The following GMDS variants were observed in gnomAD, a reference collection of about 807,000 sequenced individuals.
The protein encoded by GMDS is GDP-mannose 4,6 dehydratase.
Under a neutral mutation model 49.9 loss-of-function variants are expected in GMDS, and 20 were observed. That is an observed-to-expected ratio of 0.40 (90% CI 0.28 to 0.58). The LOEUF is 0.58. Ranked by LOEUF, GMDS falls within the 20% of genes least tolerant of loss-of-function variation. The pLI is 0.42. For synonymous variants in GMDS, 177 were observed against 178.6 expected (o/e 0.99, Z 0.07); for missense variants, 362 against 481.4 (o/e 0.75, Z 2.32).
rs958784118 is a variant in GMDS at position 2,191,986 on chromosome 6, C to G, written c.102+53335G>C. On this transcript the variant is annotated intron_variant, in intron 1 of 10. Coordinates refer to ENST00000380815, the MANE Select transcript of GMDS (RefSeq NM_001500.4). The surrounding 1 kb of genome is among the most constrained non-coding windows in gnomAD (Gnocchi z 4.6). ...CCAACTGGCACACACTTCCTCCACTCTGAGGCCCATAAAAGCCCCGGGCTC... is the reference window on the plus strand; with the variant it reads ...CCAACTGGCACACACTTCCTCCACTGTGAGGCCCATAAAAGCCCCGGGCTC... Among the ~76,000 whole-genome samples, 2 of 152,180 alleles carry G rather than the reference C, an allele frequency of 1.3e-5. No individual in the cohort carries two copies. Among genetic ancestry groups the G allele is most frequent in the African/African-American group, 4.8e-5 (2 of 41,444 alleles).
chr6:1,722,108 C>T (rs1018830305), intron 9 of GMDS, among the ~76,000 whole-genome samples: 1 of 146,964 alleles, frequency 6.8e-6, no homozygotes, highest in African/African-American at 2.5e-5. Flanking sequence ...GCTTTGACGC[C>T]CAGGCTGGAG....
chr6:1,653,670 C>T lies in GMDS; in HGVS notation c.988-29130G>A, dbSNP rs148310647. Among the ~76,000 whole-genome samples the T allele has an allele frequency of 8.5e-5, 13 of 152,288 alleles. No homozygotes were observed. In the East Asian group the frequency reaches 2.5e-3, roughly 29 times the overall value. On this transcript the variant is annotated intron_variant, in intron 9 of 10. Coordinates refer to ENST00000380815, the MANE Select transcript of GMDS (RefSeq NM_001500.4). ...CTAATATACCCGGCCAATTGATTTTCAACAAGGGTACCAAGACCACACTAC... is the reference window on the plus strand; with the variant it reads ...CTAATATACCCGGCCAATTGATTTTTAACAAGGGTACCAAGACCACACTAC...
intron 4 of GMDS, among the ~76,000 whole-genome samples, chr6:2,026,749 T>C (rs1218580520): frequency 6.6e-6 from 1 of 152,210 alleles, no homozygotes; most frequent in Non-Finnish European, 1.5e-5. Flanking sequence ...ACCCAGTGTC[T>C]GTGGATGAGG....
chr6:1,960,685 G>C, intron 5 of GMDS, 89 bp downstream of exon 5: 1 of 815,936 alleles, frequency 1.2e-6, no homozygotes, highest in South Asian at 2.5e-5. Flanking sequence ...TCAGCTGTGA[G>C]ACATGAACAG....
At chr6:1,837,098 A>C (rs575849965) in intron 7 of GMDS, among the ~76,000 whole-genome samples, 2 of 152,372 alleles carry the variant, frequency 1.3e-5, no homozygotes, top group African/African-American at 4.8e-5. Flanking sequence ...TAAGTCTTTA[A>C]AAATAAAATG....
At chr6:2,179,206 T>G (rs1778413670) in intron 1 of GMDS, among the ~76,000 whole-genome samples, 1 of 152,184 alleles carries the variant, frequency 6.6e-6, no homozygotes, top group African/African-American at 2.4e-5. Context: ...AACAAGAGGT[T>G]GTTGGCTCTC....
At chr6:1,807,438 C>T (rs1350133312) in intron 7 of GMDS, among the ~76,000 whole-genome samples, 3 of 152,162 alleles carry the variant, frequency 2.0e-5, no homozygotes, top group African/African-American at 7.2e-5. Flanking sequence ...CGGATTGTTA[C>T]TCTCATACAA....
intron 4 of GMDS, among the ~76,000 whole-genome samples, chr6:1,961,181 G>A (rs1763922274): frequency 6.6e-6 from 1 of 152,200 alleles, no homozygotes; most frequent in Non-Finnish European, 1.5e-5. Context: ...GTAATGTGAA[G>A]AACACTTTAA....
intron 1 of GMDS, among the ~76,000 whole-genome samples, chr6:2,211,842 A>G (rs1200409680): frequency 6.6e-6 from 1 of 152,240 alleles, no homozygotes; most frequent in Non-Finnish European, 1.5e-5. Context: ...TACGACTTCC[A>G]GTCTTTTAGG....
intron 4 of GMDS, among the ~76,000 whole-genome samples, chr6:2,109,279 G>A (rs760777053): frequency 6.6e-6 from 1 of 152,176 alleles, no homozygotes; most frequent in African/African-American, 2.4e-5. Context: ...TCAGGACTTG[G>A]GGTGGTGAGG....
chr6:1,777,584 T>G (rs1034804105), intron 7 of GMDS, among the ~76,000 whole-genome samples: 1 of 152,220 alleles, frequency 6.6e-6, no homozygotes, highest in Non-Finnish European at 1.5e-5. Flanking sequence ...GAGATTGTAA[T>G]GACATCAATA....
At chr6:2,150,543 C>T in intron 1 of GMDS, among the ~76,000 whole-genome samples, 1 of 152,160 alleles carries the variant, frequency 6.6e-6, no homozygotes, top group Non-Finnish European at 1.5e-5. Flanking sequence ...ATAACAATGT[C>T]CTGTGGGAAA....
intron 4 of GMDS, among the ~76,000 whole-genome samples, chr6:2,091,234 T>TA (rs2127476429): frequency 6.6e-6 from 1 of 152,354 alleles, no homozygotes; most frequent in South Asian, 2.1e-4. Flanking sequence ...ATTAGCTGTA[T>TA]AATACATAGG....
intron 9 of GMDS, chr6:1,625,391 A>ATGAT (rs1762821775): frequency 7.0e-6 from 1 of 143,450 alleles, no homozygotes; most frequent in South Asian, 2.2e-4. Context: ...TTGTACTTCC[A>ATGAT]CGAGCGGAGC....
chr6:1,829,372 T>C (rs1771256246), intron 7 of GMDS, among the ~76,000 whole-genome samples: 1 of 152,262 alleles, frequency 6.6e-6, no homozygotes, highest in Admixed American at 6.5e-5. Flanking sequence ...AAAAAATATA[T>C]TATGCATAGG....
intron 7 of GMDS, among the ~76,000 whole-genome samples, chr6:1,768,454 G>A (rs948498325): frequency 2.0e-5 from 3 of 152,188 alleles, no homozygotes; most frequent in African/African-American, 7.2e-5. Context: ...ATAAGATACT[G>A]AAGAATTCAA....
intron 4 of GMDS, among the ~76,000 whole-genome samples, chr6:2,052,858 A>G (rs1186051995): frequency 1.3e-5 from 2 of 152,264 alleles, no homozygotes; most frequent in East Asian, 3.9e-4. Context: ...ATACAATAAG[A>G]CTGTCAGGCC....
At chr6:2,068,465 G>T (rs1294380341) in intron 4 of GMDS, among the ~76,000 whole-genome samples, 3 of 152,116 alleles carry the variant, frequency 2.0e-5, no homozygotes, top group Admixed American at 2.0e-4. Context: ...AGGAAAAGAG[G>T]AAGTCAAATT....
rs555855920 is a variant in GMDS, at chr6:1,835,421, G to A, written c.772-92835C>T. Among the ~76,000 whole-genome samples, 9 of 152,290 alleles carry A rather than the reference G, an allele frequency of 5.9e-5. No individual in the cohort carries two copies. In the South Asian group the frequency reaches 1.9e-3, roughly 32 times the overall value. ...TGCTGGGAGATCAGCAGCATTCTTT[G>A]TAGGGAGTTGTTATAACAAATTTGG... On this transcript the variant is annotated intron_variant, in intron 7 of 10. Transcript: ENST00000380815.
Sources: gnomAD v4.1 joint callset for allele counts (sites outside exome capture counted in the v4.1 genomes callset) on GRCh38, gnomAD v4.1.1 for gene constraint, Gnocchi (gnomAD v3.1) non-coding constraint, MANE v1.5 for transcripts, NCBI Gene and HGNC (gene_info 2026-07-23, HGNC 2026-07-21) for gene names.